BCKDHB: variants seen among roughly 807,000 people sequenced by gnomAD.
BCKDHB encodes the protein branched chain keto acid dehydrogenase E1 subunit beta.
Under a neutral mutation model 48.5 loss-of-function variants are expected in BCKDHB, and 41 were observed. The ratio of observed to expected loss-of-function variants is 0.85; its 90% CI spans 0.66 to 1.10. The LOEUF is 1.10. Among genes scored for constraint, BCKDHB ranks in the 50% least tolerant of loss-of-function variants. BCKDHB has a pLI of 0.00. For missense variants in BCKDHB, 496 were observed against 494.2 expected (o/e 1.00, Z -0.03); for synonymous variants, 201 against 174.8 (o/e 1.15, Z -1.18).
intron 8 of BCKDHB, among the ~76,000 whole-genome samples, chr6:80,270,465 C>G (rs1355890196): frequency 6.6e-6 from 1 of 152,078 alleles, no homozygotes; most frequent in Non-Finnish European, 1.5e-5. Flanking sequence ...TCTTGCTGCA[C>G]TATTTTTGTT....
At chr6:80,397,094 G>A in the BCKDHB span, among the ~76,000 whole-genome samples, 1 of 152,114 alleles carries the variant, frequency 6.6e-6, no homozygotes, top group Non-Finnish European at 1.5e-5. Context: ...TTTTGATTTA[G>A]CTAATTTAAA....
At chr6:80,254,423 C>T (rs754405147) in intron 8 of BCKDHB, among the ~76,000 whole-genome samples, 4 of 151,910 alleles carry the variant, frequency 2.6e-5, no homozygotes, top group Non-Finnish European at 5.9e-5. Context: ...AGCCTGGGTG[C>T]GATGGCTCAT....
chr6:80,289,239 C>T (rs776335047), intron 9 of BCKDHB, among the ~76,000 whole-genome samples: 38 of 152,010 alleles, frequency 2.5e-4, no homozygotes, highest in African/African-American at 8.0e-4. Context: ...ATCTAAAATG[C>T]GAGCTAAAAA....
intron 3 of BCKDHB, among the ~76,000 whole-genome samples, chr6:80,138,063 T>C (rs1226486415): frequency 6.6e-6 from 1 of 152,080 alleles, no homozygotes; most frequent in Non-Finnish European, 1.5e-5. Context: ...GCCTGGGTGA[T>C]AGAAGGAGAC....
At chr6:80,446,733 T>C in the BCKDHB span, among the ~76,000 whole-genome samples, 2 of 149,654 alleles carry the variant, frequency 1.3e-5, no homozygotes, top group African/African-American at 4.9e-5. Flanking sequence ...TTTTTTTTTT[T>C]TTTTTTTTTT....
intron 8 of BCKDHB, 66 bp from the exon 9 acceptor site, chr6:80,273,069 A>T (rs545413403): frequency 8.1e-7 from 1 of 1,231,990 alleles, no homozygotes; most frequent in African/African-American, 1.5e-5. Flanking sequence ...TTACTGATTT[A>T]AAACTACCAT....
intron 1 of BCKDHB, chr6:80,127,220 C>T (rs1234012948): frequency 1.8e-5 from 6 of 332,300 alleles, no homozygotes; most frequent in Non-Finnish European, 5.8e-6. Context: ...TGCTTCTTCC[C>T]AGACCACTCA....
intron 8 of BCKDHB, among the ~76,000 whole-genome samples, chr6:80,213,146 C>A (rs1267638898): frequency 6.6e-6 from 1 of 152,106 alleles, no homozygotes; most frequent in African/African-American, 2.4e-5. Flanking sequence ...TTTGGTGCTT[C>A]TTCTTGGTGC....
intron 8 of BCKDHB, among the ~76,000 whole-genome samples, chr6:80,243,971 C>T (rs542657490): frequency 3.3e-5 from 5 of 152,204 alleles, no homozygotes; most frequent in African/African-American, 9.6e-5. Context: ...AGCTCACTTA[C>T]CTTTTTATTT....
intron 9 of BCKDHB, among the ~76,000 whole-genome samples, chr6:80,341,166 T>C (rs145263537): frequency 7.9e-5 from 12 of 152,308 alleles, no homozygotes; most frequent in African/African-American, 2.2e-4. Context: ...GATTTTTATA[T>C]TTTATATACT....
At chr6:80,119,803 G>A (rs946427539) in intron 1 of BCKDHB, among the ~76,000 whole-genome samples, 40 of 151,898 alleles carry the variant, frequency 2.6e-4, no homozygotes, top group Non-Finnish European at 1.5e-4. Context: ...ATTATTCCTT[G>A]ATCTGTGAGG....
chr6:80,405,901 T>A, the BCKDHB span, among the ~76,000 whole-genome samples: 1 of 152,298 alleles, frequency 6.6e-6, no homozygotes, highest in East Asian at 1.9e-4. Flanking sequence ...CAGGTATACA[T>A]GTGCCATGTT....
chr6:80,154,863 A>G (rs1213875853), intron 3 of BCKDHB, among the ~76,000 whole-genome samples: 1 of 152,070 alleles, frequency 6.6e-6, no homozygotes, highest in African/African-American at 2.4e-5. Context: ...TCCTTTCCCC[A>G]TACCCATTTC....
chr6:80,238,797 G>A (rs560349398), intron 8 of BCKDHB, among the ~76,000 whole-genome samples: 1 of 152,022 alleles, frequency 6.6e-6, no homozygotes, highest in African/African-American at 2.4e-5. Flanking sequence ...TCCCCACCCT[G>A]TGTCCAAGTA....
At chr6:80,244,190 G>T (rs1412342695) in intron 8 of BCKDHB, among the ~76,000 whole-genome samples, 1 of 152,192 alleles carries the variant, frequency 6.6e-6, no homozygotes, top group African/African-American at 2.4e-5. Context: ...GTGAAGAAAG[G>T]CTGGTGAAGC....
At chr6:80,127,818 T>A (rs1025470323) in intron 2 of BCKDHB, among the ~76,000 whole-genome samples, 194 bp downstream of exon 2, 3 of 152,226 alleles carry the variant, frequency 2.0e-5, no homozygotes, top group Admixed American at 2.0e-4. Flanking sequence ...ATATTTAACA[T>A]CAAGTCAGCT....
At chr6:80,349,270 G>T (rs1770327161), downstream of BCKDHB, among the ~76,000 whole-genome samples, 1 of 152,160 alleles carries the variant, frequency 6.6e-6, no homozygotes, top group African/African-American at 2.4e-5. Flanking sequence ...AGAACTAAAA[G>T]CAGCATATGT....
chr6:80,115,665 C>T lies in BCKDHB; in HGVS notation c.196+8776C>T, dbSNP rs562599294. ...TCTTTTTTTTTTTTTGAGACAGAGT[C>T]TCGCTCTGTCACCCAGGCTGGAGTG... On this transcript the variant is annotated intron_variant, in intron 1 of 9. Coordinates refer to ENST00000320393, the MANE Select transcript of BCKDHB (RefSeq NM_183050.4). Among the ~76,000 whole-genome samples, 3 of 150,038 alleles carry T rather than the reference C, an allele frequency of 2.0e-5. No homozygotes were observed. In the East Asian group the frequency reaches 5.9e-4, roughly 30 times the overall value.
intron 9 of BCKDHB, among the ~76,000 whole-genome samples, chr6:80,334,916 G>A (rs559351845): frequency 2.0e-5 from 3 of 151,548 alleles, no homozygotes; most frequent in Non-Finnish European, 4.4e-5. Context: ...TTTTTATTTT[G>A]TCTAATTTAA....
Sources: allele counts gnomAD v4.1 joint callset (sites outside exome capture counted in the v4.1 genomes callset), GRCh38; gene constraint gnomAD v4.1.1; transcripts MANE v1.5; gene names NCBI Gene and HGNC (gene_info 2026-07-23, HGNC 2026-07-21).